Variants in THSD7B observed in about 807,000 individuals in gnomAD.
The protein encoded by THSD7B is thrombospondin type 1 domain containing 7B, also known as thrombospondin type-1 domain-containing protein 7B.
A neutral mutation model predicts 213.6 loss-of-function variants in THSD7B; 138 were observed. The ratio of observed to expected loss-of-function variants is 0.65; its 90% CI spans 0.56 to 0.74. The LOEUF (loss-of-function observed/expected upper bound fraction) is 0.74, where lower values mean the gene tolerates loss of function less well. Among genes scored for constraint, THSD7B ranks in the 30% least tolerant of loss-of-function variants. The probability of loss-of-function intolerance (pLI) is 0.00; values close to 1 mark genes in which losing one functional copy is unlikely to be tolerated. For missense variants in THSD7B, 1,931 were observed against 1,991.5 expected (o/e 0.97, Z 0.58); for synonymous variants, 742 against 687.0 (o/e 1.08, Z -1.25).
chr2:137,216,011 G>T (rs1422147363), intron 7 of THSD7B, among the ~76,000 whole-genome samples: 1 of 152,052 alleles, frequency 6.6e-6, no homozygotes, highest in East Asian at 1.9e-4. Context: ...TGAATAAAAG[G>T]CATAATAAAT....
At chr2:137,647,657 T>A (rs1370756852) in intron 21 of THSD7B, among the ~76,000 whole-genome samples, 1 of 152,060 alleles carries the variant, frequency 6.6e-6, no homozygotes, top group Non-Finnish European at 1.5e-5. Flanking sequence ...TGACCATTGA[T>A]CAATAAGAAC....
chr2:137,227,651 A>G (rs939757025), intron 7 of THSD7B, among the ~76,000 whole-genome samples: 8 of 152,172 alleles, frequency 5.3e-5, no homozygotes, highest in African/African-American at 1.9e-4. Flanking sequence ...AGATGAGGTT[A>G]TTTAGGCTCA....
chr2:137,152,294 T>C (rs1679834217), intron 5 of THSD7B, among the ~76,000 whole-genome samples: 1 of 152,188 alleles, frequency 6.6e-6, no homozygotes, highest in Admixed American at 6.5e-5. Flanking sequence ...ACCTATTTTT[T>C]TCTATTTTAT....
intron 11 of THSD7B, 68 bp from the exon 12 acceptor site, chr2:137,275,855 T>C (rs921430131): frequency 6.1e-5 from 72 of 1,186,070 alleles, no homozygotes; most frequent in Non-Finnish European, 8.1e-5. Flanking sequence ...ACTTCAAACA[T>C]ATGTAAGTAT....
chr2:137,383,941 C>A (rs755497866), intron 12 of THSD7B, among the ~76,000 whole-genome samples: 1 of 152,110 alleles, frequency 6.6e-6, no homozygotes, highest in Non-Finnish European at 1.5e-5. Flanking sequence ...ACTCAATTTG[C>A]GGATTGTTAC....
intron 2 of THSD7B, among the ~76,000 whole-genome samples, chr2:137,013,518 G>A (rs1413185766): frequency 1.3e-5 from 2 of 152,152 alleles, no homozygotes; most frequent in African/African-American, 4.8e-5. Context: ...TGGGCAGAGG[G>A]TTCCCAGCTG....
chr2:137,025,826 G>A (rs1033330285), intron 2 of THSD7B, among the ~76,000 whole-genome samples: 1 of 152,042 alleles, frequency 6.6e-6, no homozygotes, highest in East Asian at 1.9e-4. Flanking sequence ...TGACTGGCAG[G>A]TTGCACACTA....
intron 2 of THSD7B, among the ~76,000 whole-genome samples, chr2:136,962,384 C>T (rs1685234235): frequency 1.4e-5 from 2 of 138,250 alleles, no homozygotes; most frequent in Admixed American, 7.3e-5. Context: ...AAGTAACACA[C>T]TATACATAAA....
chr2:137,384,001 A>T (rs976523179), intron 12 of THSD7B, among the ~76,000 whole-genome samples: 17 of 152,154 alleles, frequency 1.1e-4, no homozygotes, highest in Non-Finnish European at 1.9e-4. Flanking sequence ...GCATTTTTTT[A>T]AAAAAATCTC....
At chr2:136,838,738 C>A (rs7578774) in intron 1 of THSD7B, among the ~76,000 whole-genome samples, 7,781 of 152,104 alleles carry the variant, frequency 0.051, 351 homozygotes, top group African/African-American at 0.12. Context: ...TTGATCTGAC[C>A]CTGAGGGTCT....
rs550662739 is a variant in THSD7B at position 137,149,263 on chromosome 2, AT to A, written c.1370-10949del. Among the ~76,000 whole-genome samples, 41 of 152,286 alleles carry A rather than the reference AT, an allele frequency of 2.7e-4. No individual in the cohort carries two copies. The South Asian group carries it at 8.5e-3, about 32-fold the overall frequency. The stretch of plus-strand genomic sequence containing the variant: ...CTTAGATTTCAGAGGATATATGAGA[AT>A]ACCTGGATGTCCAGGCAGAAGTTTT... On this transcript the variant is annotated intron_variant, in intron 5 of 27. Coordinates refer to ENST00000409968, the MANE Select transcript of THSD7B (RefSeq NM_001316349.2).
intron 2 of THSD7B, among the ~76,000 whole-genome samples, chr2:137,009,321 A>G (rs1686179028): frequency 6.6e-6 from 1 of 152,074 alleles, no homozygotes; most frequent in Non-Finnish European, 1.5e-5. Flanking sequence ...CTACAGCAGT[A>G]TTTTTCAATC....
intron 1 of THSD7B, among the ~76,000 whole-genome samples, chr2:136,794,041 CT>C (rs1252060061): frequency 1.3e-5 from 2 of 150,936 alleles, no homozygotes; most frequent in Non-Finnish European, 3.0e-5. Flanking sequence ...TCATAATATT[CT>C]CTCATTATCT....
chr2:137,589,043 A>C lies in THSD7B; in HGVS notation c.3423+16487A>C, dbSNP rs1348082967. ...GATCTGCCCGTCTGGGCCTCCACAAATGCTGGGATTACAAGTGTGAGCCAC... is the reference window on the plus strand; with the variant it reads ...GATCTGCCCGTCTGGGCCTCCACAACTGCTGGGATTACAAGTGTGAGCCAC... On this transcript the variant is annotated intron_variant, in intron 17 of 27. Coordinates refer to ENST00000409968, the MANE Select transcript of THSD7B (RefSeq NM_001316349.2). Among the ~76,000 whole-genome samples, 3 of 152,050 alleles carry C rather than the reference A, an allele frequency of 2.0e-5. No homozygotes were observed. In the East Asian group the frequency reaches 5.8e-4, roughly 29 times the overall value.
At chr2:136,882,054 A>G in intron 1 of THSD7B, 90 bp from the exon 2 acceptor site, 2 of 1,055,370 alleles carry the variant, frequency 1.9e-6, no homozygotes, top group African/African-American at 1.7e-5. Flanking sequence ...AACTTGCAAT[A>G]CCATCATAAT....
intron 12 of THSD7B, among the ~76,000 whole-genome samples, chr2:137,399,265 T>TCC (rs1196837269): frequency 6.6e-6 from 1 of 150,912 alleles, no homozygotes; most frequent in Non-Finnish European, 1.5e-5. Flanking sequence ...TGACCTTGGC[T>TCC]CACTGCAGCA....
intron 15 of THSD7B, among the ~76,000 whole-genome samples, chr2:137,491,657 A>G (rs1679404476): frequency 6.6e-6 from 1 of 152,244 alleles, no homozygotes; most frequent in South Asian, 2.1e-4. Flanking sequence ...GCTAGAAGCC[A>G]GTTTACTGTG....
intron 5 of THSD7B, among the ~76,000 whole-genome samples, chr2:137,149,534 C>T (rs930207617): frequency 7.9e-5 from 12 of 152,218 alleles, no homozygotes; most frequent in African/African-American, 1.7e-4. Context: ...CTCAATGCCA[C>T]ACTGTGAGGG....
intron 2 of THSD7B, among the ~76,000 whole-genome samples, chr2:137,000,123 A>G: frequency 6.6e-6 from 1 of 152,152 alleles, no homozygotes; most frequent in East Asian, 1.9e-4. Flanking sequence ...AGGAGGCTGG[A>G]GGAACAAACA....
Sources: allele counts gnomAD v4.1 joint callset (sites outside exome capture counted in the v4.1 genomes callset), GRCh38; gene constraint gnomAD v4.1.1; transcripts MANE v1.5; gene names NCBI Gene and HGNC (gene_info 2026-07-23, HGNC 2026-07-21).